STON2: variants seen among roughly 807,000 people sequenced by gnomAD.
The protein encoded by STON2 is stonin 2.
Under a neutral mutation model 65.7 loss-of-function variants are expected in STON2, and 29 were observed. The observed-to-expected ratio is 0.44, with a 90% CI of 0.33 to 0.60. STON2 has a LOEUF of 0.60. Among genes scored for constraint, STON2 ranks in the 20% least tolerant of loss-of-function variants. STON2 has a pLI of 0.03. For missense variants in STON2, 1,054 were observed against 1,118.1 expected, an observed-to-expected ratio of 0.94 and a Z score of 0.82; for synonymous variants, 404 against 414.2, an observed-to-expected ratio of 0.98 and a Z score of 0.30.
intron 4 of STON2, among the ~76,000 whole-genome samples, chr14:81,325,008 G>T (rs1566909400): frequency 6.6e-6 from 1 of 152,164 alleles, no homozygotes; most frequent in African/African-American, 2.4e-5. Flanking sequence ...AGACCCAGAG[G>T]TTAGGGAACT....
At chr14:81,386,202 C>A (rs1899794431) in intron 3 of STON2, among the ~76,000 whole-genome samples, 1 of 152,098 alleles carries the variant, frequency 6.6e-6, no homozygotes. Context: ...TTTAGAAGCA[C>A]AGAAGAACAA....
intron 3 of STON2, among the ~76,000 whole-genome samples, chr14:81,376,510 A>AAC (rs1253428803): frequency 3.6e-4 from 55 of 152,262 alleles, no homozygotes; most frequent in African/African-American, 1.3e-3. Context: ...ATGTCAGGCC[A>AAC]GGTGCTTTTA....
chr14:81,286,915 T>A (rs1264454321), intron 5 of STON2, among the ~76,000 whole-genome samples: 1 of 152,248 alleles, frequency 6.6e-6, no homozygotes, highest in Non-Finnish European at 1.5e-5. Flanking sequence ...AACTCTAGTA[T>A]TTCCTTAATG....
In STON2 at chr14:81,265,797, G is replaced by A. The variant is rs943184375; in HGVS notation, c.*2617C>T. 210 of 985,164 alleles carry A rather than the reference G, an allele frequency of 2.1e-4. No homozygotes were observed. Among genetic ancestry groups the A allele is most frequent in the Non-Finnish European group, 2.5e-4 (206 of 829,914 alleles). 61.0% of individuals were successfully genotyped at this position (985,164 alleles called of 1,614,324 possible). ...GTCCAGGTGCATGTACACAGGAAAT[G>A]AGAATTTACCATGGGGGGCGGGGAA... On this transcript the variant is annotated 3_prime_UTR_variant, in exon 8 of 8. Transcript: ENST00000614646.
rs778600445 is a variant in STON2, at chr14:81,262,700, C to T, written c.*5714G>A. 18 of 985,308 alleles carry T rather than the reference C, an allele frequency of 1.8e-5. No individual in the cohort carries two copies. The highest frequency in any genetic ancestry group is 1.9e-5 in the Non-Finnish European group (16 of 829,896). The allele number at this position is 985,308 out of a possible 1,614,324, so 61.0% of individuals were successfully genotyped here. ...CTTAGAATTGACAAATTGAGAGACA[C>T]ATTTTTTTTTCAATTCTCAAAACAA... On this transcript the variant is annotated 3_prime_UTR_variant, in exon 8 of 8. Coordinates refer to ENST00000614646, the MANE Select transcript of STON2 (RefSeq NM_001394390.1).
Position 81,260,936 on chromosome 14 carries a change from C to T in STON2, c.*7478G>A, listed in dbSNP as rs757298047. 9 of 152,146 alleles carry T rather than the reference C, an allele frequency of 5.9e-5. No individual in the cohort carries two copies. Among genetic ancestry groups the T allele is most frequent in the Admixed American group, 2.0e-4 (3 of 15,270 alleles). The allele number at this position is 152,146 out of a possible 1,614,324, so 9.4% of individuals were successfully genotyped here. ...TGGATCTTGGGTTCATCCATCCTGA[C>T]GCACTGAAATTTATTACAGACATTA... is the stretch of plus-strand genomic sequence containing the variant. On this transcript the variant is annotated 3_prime_UTR_variant, in exon 8 of 8. Transcript: ENST00000614646.
At chr14:81,355,742 C>T (rs1259287842) in intron 4 of STON2, among the ~76,000 whole-genome samples, 1 of 152,088 alleles carries the variant, frequency 6.6e-6, no homozygotes, top group African/African-American at 2.4e-5. Context: ...AAGGTGGATT[C>T]CTAGGTATTT....
chr14:81,362,855 T>C (rs1300054314), intron 4 of STON2, among the ~76,000 whole-genome samples: 2 of 152,186 alleles, frequency 1.3e-5, no homozygotes, highest in African/African-American at 4.8e-5. Context: ...GGCAACATGC[T>C]GGGGATATAC....
At position 81,306,163 on chromosome 14, in the gene STON2, CTCTCTA is replaced by C. The variant is rs1308667829; in HGVS notation, c.742+17848_742+17853del. On this transcript the variant is annotated intron_variant, in intron 5 of 7. Coordinates refer to ENST00000614646, the MANE Select transcript of STON2 (RefSeq NM_001394390.1). Reference sequence around the variant, plus strand: ...TATTGATTCTTTTAAATCTCTCTCTCTCTCTATATATATATATATATACACTCTATT... The same window carrying C: ...TATTGATTCTTTTAAATCTCTCTCTCTATATATATATATATACACTCTATT... Among the ~76,000 whole-genome samples the C allele has an allele frequency of 2.5e-4, 36 of 143,462 alleles. 1 individual carries two copies. Among genetic ancestry groups the C allele is most frequent in the African/African-American group, 7.0e-4 (26 of 36,996 alleles). The allele number at this position is 143,462 out of a possible 152,430, so 94.1% of individuals were successfully genotyped here.
intron 3 of STON2, among the ~76,000 whole-genome samples, chr14:81,371,676 TAA>T (rs34428344): frequency 1.8e-4 from 18 of 97,642 alleles, no homozygotes; most frequent in Non-Finnish European, 1.7e-4. Flanking sequence ...AGACTGAGTC[TAA>T]AAAAAAAAAA....
At chr14:81,363,457 G>C (rs74990535) in intron 4 of STON2, among the ~76,000 whole-genome samples, 197 of 151,990 alleles carry the variant, frequency 1.3e-3, no homozygotes, top group African/African-American at 4.3e-3. Context: ...GTGTTTCTGA[G>C]AAACTTTTGA....
At chr14:81,430,511 T>C (rs1902185620) in intron 1 of STON2, among the ~76,000 whole-genome samples, 1 of 152,134 alleles carries the variant, frequency 6.6e-6, no homozygotes, top group Non-Finnish European at 1.5e-5. Context: ...CCCTTGCCAG[T>C]TAGAGAGGCC....
upstream of STON2, among the ~76,000 whole-genome samples, chr14:81,404,019 A>G (rs1309961613): frequency 6.6e-6 from 1 of 152,188 alleles, no homozygotes; most frequent in African/African-American, 2.4e-5. Context: ...AGAATAGGGT[A>G]TGGCTTTTAG....
upstream of STON2, among the ~76,000 whole-genome samples, chr14:81,401,412 G>A (rs535374460): frequency 1.8e-4 from 27 of 150,794 alleles, no homozygotes; most frequent in Middle Eastern, 0.01. Flanking sequence ...TTGATCACAT[G>A]GAACCCCCCA....
At chr14:81,334,783 G>A (rs1897314419) in intron 4 of STON2, among the ~76,000 whole-genome samples, 1 of 152,080 alleles carries the variant, frequency 6.6e-6, no homozygotes. Flanking sequence ...ATCGTAGTCT[G>A]GTGAGCTATA....
At chr14:81,429,665 G>A (rs2139927087) in intron 1 of STON2, among the ~76,000 whole-genome samples, 1 of 152,324 alleles carries the variant, frequency 6.6e-6, no homozygotes, top group South Asian at 2.1e-4. Context: ...CGGGCATGAT[G>A]GCTCACGCCT....
rs1009805962 is a variant in STON2 at position 81,333,368 on chromosome 14, G to T, written c.572-9181C>A. 12 of 473,506 alleles carry T rather than the reference G, an allele frequency of 2.5e-5. No homozygotes were observed. The East Asian group carries it at 2.7e-4, about 10-fold the overall frequency. The allele number at this position is 473,506 out of a possible 1,614,324, so 29.3% of individuals were successfully genotyped here. A position where few individuals can be genotyped will look rare whatever the true frequency, so the allele number is the denominator to read the frequency against. On this transcript the variant is annotated intron_variant, in intron 4 of 7. Transcript: ENST00000614646. ...TAGTTACCATGTCATTCATGATGGC[G>T]GTCTATCCTCAGACAGCCAGGGAGG...
rs1374487695 is a variant in STON2 at position 81,266,275 on chromosome 14, T to C, written c.*2139A>G. On this transcript the variant is annotated 3_prime_UTR_variant, in exon 8 of 8. Transcript: ENST00000614646. ...TCTTACTAACTTGAGTCTATTCCTC[T>C]TTAGAACAACTCTTATTAGACAATT... 5.3e-6 allele frequency: 1 copy of C among 189,072 alleles called. No individual in the cohort carries two copies. The highest frequency in any genetic ancestry group is 6.5e-5 in the Admixed American group (1 of 15,318). 11.7% of individuals were successfully genotyped at this position (189,072 alleles called of 1,614,324 possible).
chr14:81,304,727 G>A (rs1230604226), intron 5 of STON2, among the ~76,000 whole-genome samples: 1 of 151,946 alleles, frequency 6.6e-6, no homozygotes, highest in Non-Finnish European at 1.5e-5. Context: ...GACTGTCACA[G>A]GAAAAAAGGA....
Sources: gnomAD v4.1 joint callset for allele counts (sites outside exome capture counted in the v4.1 genomes callset) on GRCh38, gnomAD v4.1.1 for gene constraint, MANE v1.5 for transcripts, NCBI Gene and HGNC (gene_info 2026-07-23, HGNC 2026-07-21) for gene names.